PCDH7: variants seen among roughly 807,000 people sequenced by gnomAD.
PCDH7 encodes protocadherin-7.
Under a neutral mutation model 58.9 loss-of-function variants are expected in PCDH7, and 17 were observed. The observed-to-expected ratio is 0.29, with a 90% CI of 0.20 to 0.43. The LOEUF (loss-of-function observed/expected upper bound fraction) is 0.43. PCDH7 is among the 20% of genes least tolerant of loss of function. The pLI, the probability that PCDH7 is intolerant of heterozygous loss-of-function variation, is 1.00. For missense variants in PCDH7, 1,274 were observed against 1,441.0 expected (o/e 0.88, Z 1.88); for synonymous variants, 664 against 616.4 (o/e 1.08, Z -1.14).
chr4:30,867,863 A>C (rs1289158738), intron 1 of PCDH7, among the ~76,000 whole-genome samples: 1 of 152,044 alleles, frequency 6.6e-6, no homozygotes, highest in East Asian at 1.9e-4. Flanking sequence ...TGAGAAACTA[A>C]CATATAGTTC....
At chr4:30,955,635 G>A (rs1040740908) in intron 3 of PCDH7, among the ~76,000 whole-genome samples, 11 of 151,688 alleles carry the variant, frequency 7.3e-5, no homozygotes, top group African/African-American at 2.7e-4. Context: ...TGCAACCTCC[G>A]CCTCATGGGT....
chr4:31,109,030 A>G (rs1403675014), intron 3 of PCDH7, among the ~76,000 whole-genome samples: 1 of 152,166 alleles, frequency 6.6e-6, no homozygotes, highest in Non-Finnish European at 1.5e-5. Flanking sequence ...TCCTGGGACA[A>G]CAGCCCACCT....
At chr4:30,847,156 A>G (rs1732080367) in intron 1 of PCDH7, among the ~76,000 whole-genome samples, 1 of 151,972 alleles carries the variant, frequency 6.6e-6, no homozygotes, top group Admixed American at 6.6e-5. Flanking sequence ...AAAAGAATGC[A>G]TTTTTTTAAA....
At chr4:30,973,356 A>C (rs1391226827) in intron 3 of PCDH7, among the ~76,000 whole-genome samples, 1 of 152,138 alleles carries the variant, frequency 6.6e-6, no homozygotes, top group African/African-American at 2.4e-5. Flanking sequence ...ACCTGGGGAG[A>C]TGAGTTTACA....
At chr4:31,145,820 A>C (rs1720635886), downstream of PCDH7, 1 of 152,114 alleles carries the variant, frequency 6.6e-6, no homozygotes, top group African/African-American at 2.4e-5. Flanking sequence ...TCCATTTGGC[A>C]AGGTAAAATA....
At chr4:30,724,567 T>G in exon 1 of PCDH7, 1 of 1,614,080 alleles carries the variant, frequency 6.2e-7, no homozygotes, top group Non-Finnish European at 8.5e-7. Flanking sequence ...TGAGTACAGC[T>G]GTCAAACCAA....
At chr4:31,018,272 A>G (rs1255410816) in intron 3 of PCDH7, among the ~76,000 whole-genome samples, 1 of 152,148 alleles carries the variant, frequency 6.6e-6, no homozygotes, top group Non-Finnish European at 1.5e-5. Context: ...CACTAAAAGG[A>G]AATATTCACC....
chr4:30,910,261 C>T (rs1390863544), intron 1 of PCDH7, among the ~76,000 whole-genome samples: 1 of 152,084 alleles, frequency 6.6e-6, no homozygotes, highest in Non-Finnish European at 1.5e-5. Flanking sequence ...AGGACATAGG[C>T]ATGGGCAAAG....
intron 3 of PCDH7, among the ~76,000 whole-genome samples, chr4:31,105,802 T>C (rs1301364373): frequency 6.6e-6 from 1 of 151,946 alleles, no homozygotes; most frequent in Non-Finnish European, 1.5e-5. Flanking sequence ...GGTCAGGAGA[T>C]CGAGACCATC....
chr4:30,980,701 T>G (rs1445284147), intron 3 of PCDH7, among the ~76,000 whole-genome samples: 1 of 152,202 alleles, frequency 6.6e-6, no homozygotes, highest in Non-Finnish European at 1.5e-5. Context: ...TTGAAACAAT[T>G]TCTGTCTTTT....
chr4:30,907,061 A>G (rs1741037597), intron 1 of PCDH7, among the ~76,000 whole-genome samples: 1 of 152,112 alleles, frequency 6.6e-6, no homozygotes, highest in African/African-American at 2.4e-5. Flanking sequence ...GGTCCCAGCA[A>G]TAATTTTTAA....
chr4:30,824,851 T>G (rs569040050), intron 1 of PCDH7, among the ~76,000 whole-genome samples: 50 of 152,186 alleles, frequency 3.3e-4, no homozygotes, highest in African/African-American at 1.2e-3. Context: ...TTATTTGAGA[T>G]CTGTGTTGTA....
Position 31,117,559 on chromosome 4 carries a change from T to A in PCDH7, c.*8-24914T>A, listed in dbSNP as rs114202041. ...GTGCCAAGCAGTTTTCTAGGCAAAATATTTTATCAATCCAGTATGTTTTTT... is the reference window on the plus strand; with the variant it reads ...GTGCCAAGCAGTTTTCTAGGCAAAAAATTTTATCAATCCAGTATGTTTTTT... On this transcript the variant is annotated intron_variant, in intron 3 of 3. Transcript: ENST00000509759. 3.0e-3 allele frequency among the ~76,000 whole-genome samples: 461 copies of A among 152,238 alleles called. 2 individuals carry two copies. The highest frequency in any genetic ancestry group is 0.011 in the African/African-American group (445 of 41,528).
intron 3 of PCDH7, among the ~76,000 whole-genome samples, chr4:31,112,576 G>A (rs1716464846): frequency 6.6e-6 from 1 of 152,066 alleles, no homozygotes; most frequent in Admixed American, 6.6e-5. Context: ...GAGCTCTCAG[G>A]ATGAACAGGA....
At chr4:30,877,473 C>T (rs1379914487) in intron 1 of PCDH7, among the ~76,000 whole-genome samples, 2 of 152,120 alleles carry the variant, frequency 1.3e-5, no homozygotes, top group Non-Finnish European at 2.9e-5. Context: ...CTAAGGCAAC[C>T]GTGCTTTTGT....
intron 1 of PCDH7, among the ~76,000 whole-genome samples, chr4:30,908,710 G>A (rs902124952): frequency 7.2e-5 from 11 of 152,280 alleles, no homozygotes; most frequent in Non-Finnish European, 1.2e-4. Context: ...GAGGTACAAA[G>A]AGGAGCTGGT....
intron 1 of PCDH7, among the ~76,000 whole-genome samples, chr4:30,788,517 T>A (rs1278327113): frequency 6.6e-6 from 1 of 152,082 alleles, no homozygotes; most frequent in East Asian, 1.9e-4. Flanking sequence ...AATTCTGTTG[T>A]ATTGAATATT....
chr4:31,004,256 CAG>C (rs910862117), intron 3 of PCDH7, among the ~76,000 whole-genome samples: 1 of 151,950 alleles, frequency 6.6e-6, no homozygotes, highest in African/African-American at 2.4e-5. Context: ...AGACGAGAGA[CAG>C]AGAGAGAAAT....
rs751979053 is a variant in PCDH7, at chr4:30,978,864, T to C, written c.*7+28649T>C. Among the ~76,000 whole-genome samples the C allele has an allele frequency of 4.3e-4, 65 of 152,148 alleles. 1 individual carries two copies. The highest frequency in any genetic ancestry group is 1.3e-4 in the Admixed American group (2 of 15,270). On this transcript the variant is annotated intron_variant, in intron 3 of 3. Coordinates refer to the PCDH7 transcript ENST00000509759. ...TAAATAACAAAGACACAATTTTCAC[T>C]GATGTAAAATAAGGGGATTATAATG...
Sources: gnomAD v4.1 joint callset for allele counts (sites outside exome capture counted in the v4.1 genomes callset) on GRCh38, gnomAD v4.1.1 for gene constraint, MANE v1.5 for transcripts, NCBI Gene and HGNC (gene_info 2026-07-23, HGNC 2026-07-21) for gene names.